The following OCSTAMP variants were observed in gnomAD, a reference collection of about 807,000 sequenced individuals.
OCSTAMP encodes transmembrane protein C20orf123.
OCSTAMP carries 17 observed loss-of-function variants against 25.2 expected under a neutral mutation model. The ratio of observed to expected loss-of-function variants is 0.68; its 90% confidence interval spans 0.46 to 1.01. The LOEUF is 1.01. Among genes scored for constraint, OCSTAMP ranks in the 50% least tolerant of loss-of-function variants. The pLI is 0.00. For missense variants in OCSTAMP, 664 were observed against 694.6 expected (o/e 0.96, Z 0.50); for synonymous variants, 345 against 318.9 (o/e 1.08, Z -0.87).
rs1286617667 is a variant in OCSTAMP at position 46,541,448 on chromosome 20, A to G, written c.1527T>C (p.Cys509=). ...AGGGAGGCGGCACAGGACCAAGGTT[A>G]CAACTCAGGTCTCTGCAACTCCAAA... ...KELWSCRDLS[C]NLGPVPPPCV... is the part of the protein sequence containing the mutation. The change falls in exon 3 of 3, where the codon TGT becomes TGC. Residue 509 remains cysteine, a synonymous_variant. Transcript: ENST00000279028. 2.0e-6 allele frequency: 3 copies of G among 1,528,334 alleles called. No homozygotes were observed. The African/African-American group carries it at 4.1e-5, about 21-fold the overall frequency. The allele number at this position is 1,528,334 out of a possible 1,614,324, so 94.7% of individuals were successfully genotyped here.
intron 2 of OCSTAMP, 73 bp downstream of exon 2, chr20:46,545,254 T>A: frequency 7.2e-7 from 1 of 1,387,192 alleles, no homozygotes. Context: ...TCATCACAAG[T>A]CAAGGGTTTA....
At chr20:46,543,305 C>CCTTCCTTCCTTTCTCT (rs1555872066) in intron 2 of OCSTAMP, among the ~76,000 whole-genome samples, 7 of 128,376 alleles carry the variant, frequency 5.5e-5, no homozygotes, top group Non-Finnish European at 1.1e-4. Context: ...CTTTCTCTTT[C>CCTTCCTTCCTTTCTCT]CTTTCTTTCT....
chr20:46,547,573 G>A (rs1471052118), intron 1 of OCSTAMP, among the ~76,000 whole-genome samples: 1 of 152,196 alleles, frequency 6.6e-6, no homozygotes, highest in Non-Finnish European at 1.5e-5. Flanking sequence ...GATCAAGTAC[G>A]TCAAATGCAG....
chr20:46,543,271 TTCTC>T (rs1168874184), intron 2 of OCSTAMP, among the ~76,000 whole-genome samples: 2 of 149,764 alleles, frequency 1.3e-5, no homozygotes, highest in African/African-American at 4.9e-5. Flanking sequence ...TTTCTTTTCT[TTCTC>T]TCTTTCTCTT....
chr20:46,548,605 A>C (rs977202582), intron 1 of OCSTAMP, among the ~76,000 whole-genome samples: 16 of 152,204 alleles, frequency 1.1e-4, no homozygotes, highest in Admixed American at 3.3e-4. Flanking sequence ...GGCAACACTG[A>C]GGCCCACTTG....
At chr20:46,543,305 C>CCTTTCCTTTCTTTCTTTCTTTCTTT (rs1555872069) in intron 2 of OCSTAMP, among the ~76,000 whole-genome samples, 3 of 128,408 alleles carry the variant, frequency 2.3e-5, no homozygotes, top group Admixed American at 8.6e-5. Flanking sequence ...CTTTCTCTTT[C>CCTTTCCTTTCTTTCTTTCTTTCTTT]CTTTCTTTCT....
intron 2 of OCSTAMP, among the ~76,000 whole-genome samples, chr20:46,542,505 C>T (rs969827900): frequency 1.4e-5 from 2 of 139,292 alleles, no homozygotes; most frequent in South Asian, 2.2e-4. Context: ...AGCTTGAGCC[C>T]GAGAGGGGAG....
chr20:46,547,244 G>A (rs1239133817), intron 1 of OCSTAMP, among the ~76,000 whole-genome samples: 1 of 152,214 alleles, frequency 6.6e-6, no homozygotes, highest in South Asian at 2.1e-4. Context: ...TTGAGATTCA[G>A]TTGAGCCATT....
Position 46,541,739 on chromosome 20 carries a change from C to T in OCSTAMP, c.1236G>A (p.Ala412=), listed in dbSNP as rs2146050844. Reference sequence around the variant, plus strand: ...AGGCCTCCAGGAGCACCGTGGAGCCCGCCAGGAGCTGCAGGGCCCCCGCGG... The same window carrying T: ...AGGCCTCCAGGAGCACCGTGGAGCCTGCCAGGAGCTGCAGGGCCCCCGCGG... ...PLAAGALQLL[A]GSTVLLEAYA... The change falls in exon 3 of 3, where the codon GCG becomes GCA. Residue 412 remains alanine, a synonymous_variant. Coordinates refer to ENST00000279028, the MANE Select transcript of OCSTAMP (RefSeq NM_080721.3). 1 of 1,546,022 alleles carries T rather than the reference C, an allele frequency of 6.5e-7. No individual in the cohort carries two copies. The highest frequency in any genetic ancestry group is 1.2e-5 in the South Asian group (1 of 83,848).
At chr20:46,542,377 C>T (rs899937949) in intron 2 of OCSTAMP, among the ~76,000 whole-genome samples, 3 of 151,956 alleles carry the variant, frequency 2.0e-5, no homozygotes, top group African/African-American at 7.3e-5. Flanking sequence ...GTCAGGAGTT[C>T]GAGACCAGCT....
chr20:46,543,708 A>C (rs2061842745), intron 2 of OCSTAMP, among the ~76,000 whole-genome samples: 1 of 152,226 alleles, frequency 6.6e-6, no homozygotes, highest in South Asian at 2.1e-4. Context: ...TAAGTGAACT[A>C]TTTTATACAA....
intron 1 of OCSTAMP, among the ~76,000 whole-genome samples, chr20:46,548,558 G>A (rs1204576192): frequency 2.6e-5 from 4 of 152,206 alleles, no homozygotes; most frequent in Non-Finnish European, 5.9e-5. Context: ...CAGGAAAGTG[G>A]GAGAACAAAC....
chr20:46,541,489 C>T lies in OCSTAMP; in HGVS notation c.1486G>A (p.Gly496Arg). ...CAACTCCAAAGCTCTTTCCCTTCTC[C>T]CTCACTGCTCTCGGTTCTTAAGGCA... ...LDALRTESSE[G>R]EGKELWSCRD... The change falls in exon 3 of 3, where the codon GGA becomes AGA. Residue 496 changes from glycine to arginine, a missense_variant. Gly to Arg is a moderately radical substitution (Grantham distance 125). Coordinates refer to ENST00000279028, the MANE Select transcript of OCSTAMP (RefSeq NM_080721.3). 6.4e-7 allele frequency: 1 copy of T among 1,551,628 alleles called. No homozygotes were observed. Among genetic ancestry groups the T allele is most frequent in the South Asian group, 1.2e-5 (1 of 84,056 alleles).
intron 2 of OCSTAMP, among the ~76,000 whole-genome samples, chr20:46,544,200 A>G (rs540618941): frequency 1.3e-5 from 2 of 152,330 alleles, no homozygotes; most frequent in African/African-American, 4.8e-5. Context: ...GCATTCTGGC[A>G]TGGGCAACAG....
intron 2 of OCSTAMP, among the ~76,000 whole-genome samples, chr20:46,543,341 C>A (rs62216591): frequency 1.2e-5 from 1 of 80,912 alleles, no homozygotes; most frequent in African/African-American, 5.6e-5. Context: ...TTCGTTTCTT[C>A]CTTTTTTTTT....
At chr20:46,541,992 G>C in intron 2 of OCSTAMP, 65 bp from the exon 3 acceptor site, 1 of 1,383,080 alleles carries the variant, frequency 7.2e-7, no homozygotes, top group Non-Finnish European at 9.3e-7. Flanking sequence ...ACCTCTAGGA[G>C]AGGCTTGTCC....
chr20:46,548,130 T>A (rs2061858731), intron 1 of OCSTAMP, among the ~76,000 whole-genome samples: 2 of 152,188 alleles, frequency 1.3e-5, no homozygotes, highest in South Asian at 4.1e-4. Context: ...GGGCATGACC[T>A]CTGGACTGCC....
In OCSTAMP at chr20:46,548,834, G is replaced by A. The variant is rs73908929; in HGVS notation, c.44+1683C>T. Among the ~76,000 whole-genome samples, 631 of 152,274 alleles carry A rather than the reference G, an allele frequency of 4.1e-3. 4 individuals are homozygous for A. Among genetic ancestry groups the A allele is most frequent in the African/African-American group, 0.014 (568 of 41,542 alleles). Reference sequence around the variant, plus strand: ...TCCCCTGGCCACCGTGACTGGTGCAGGGATTGCACCTGACCGGAGATGGAC... The same window carrying A: ...TCCCCTGGCCACCGTGACTGGTGCAAGGATTGCACCTGACCGGAGATGGAC... On this transcript the variant is annotated intron_variant, in intron 1 of 2. Coordinates refer to ENST00000279028, the MANE Select transcript of OCSTAMP (RefSeq NM_080721.3).
At position 46,550,588 on chromosome 20, in the gene OCSTAMP, G is replaced by A. The variant is rs190560552; in HGVS notation, c.-28C>T. 1.4e-5 allele frequency: 22 copies of A among 1,551,308 alleles called. No homozygotes were observed. Among genetic ancestry groups the A allele is most frequent in the East Asian group, 1.2e-4 (5 of 40,918 alleles). ...TGTCCAAATGGCAGTGGTTTCAGGCGGGCGGTCGCTGGCAGCTGTGGCAGG... is the reference window on the plus strand; with the variant it reads ...TGTCCAAATGGCAGTGGTTTCAGGCAGGCGGTCGCTGGCAGCTGTGGCAGG... On this transcript the variant is annotated 5_prime_UTR_variant, in exon 1 of 3. Transcript: ENST00000279028.
Sources: allele counts gnomAD v4.1 joint callset (sites outside exome capture counted in the v4.1 genomes callset), GRCh38; gene constraint gnomAD v4.1.1; transcripts MANE v1.5; gene names NCBI Gene and HGNC (gene_info 2026-07-23, HGNC 2026-07-21).